Variants in MCC observed in about 807,000 individuals in gnomAD.
MCC encodes the protein colorectal mutant cancer protein.
Under a neutral mutation model 116.2 loss-of-function variants are expected in MCC, and 90 were observed. The ratio of observed to expected loss-of-function variants is 0.77; its 90% CI spans 0.65 to 0.92. The LOEUF is 0.92. Ranked by LOEUF, MCC falls within the 40% of genes least tolerant of loss-of-function variation. The pLI is 0.00. For synonymous variants in MCC, 578 were observed against 510.5 expected (o/e 1.13, Z -1.78); for missense variants, 1,516 against 1,312.2 (o/e 1.16, Z -2.40).
chr5:113,149,658 T>C (rs1759731972), intron 4 of MCC, among the ~76,000 whole-genome samples: 1 of 152,048 alleles, frequency 6.6e-6, no homozygotes. Flanking sequence ...AAGATGGCTA[T>C]AGCAGCCATC....
At chr5:113,321,204 A>T (rs1767415010) in intron 3 of MCC, among the ~76,000 whole-genome samples, 1 of 152,222 alleles carries the variant, frequency 6.6e-6, no homozygotes, top group Admixed American at 6.5e-5. Context: ...TTTTAATTTG[A>T]AGTCTAGAAA....
intron 1 of MCC, among the ~76,000 whole-genome samples, chr5:113,415,458 G>A (rs1356275311): frequency 6.6e-6 from 1 of 152,132 alleles, no homozygotes; most frequent in East Asian, 1.9e-4. Context: ...TGGAGGCTTT[G>A]TTCGTTTCTT....
chr5:113,313,005 A>G (rs1767171756), intron 3 of MCC, among the ~76,000 whole-genome samples: 1 of 152,126 alleles, frequency 6.6e-6, no homozygotes, highest in Non-Finnish European at 1.5e-5. Flanking sequence ...CACACAAAAA[A>G]CAGACTTCCT....
chr5:113,350,025 A>T (rs776691686), intron 2 of MCC, among the ~76,000 whole-genome samples: 1 of 152,056 alleles, frequency 6.6e-6, no homozygotes, highest in Non-Finnish European at 1.5e-5. Flanking sequence ...TAAAACACTG[A>T]TGAAAGAAAT....
intron 3 of MCC, among the ~76,000 whole-genome samples, chr5:113,172,025 G>C (rs538244297): frequency 2.0e-5 from 3 of 152,264 alleles, no homozygotes; most frequent in African/African-American, 7.2e-5. Flanking sequence ...GGAGCACTGA[G>C]GGGGAAAAGA....
chr5:113,462,744 G>T (rs1291178235), intron 1 of MCC, among the ~76,000 whole-genome samples: 1 of 152,190 alleles, frequency 6.6e-6, no homozygotes, highest in Non-Finnish European at 1.5e-5. Flanking sequence ...AACATTTTGG[G>T]TTAATTCTAA....
chr5:113,096,844 TACTG>T (rs998707114), intron 8 of MCC, among the ~76,000 whole-genome samples: 2 of 152,120 alleles, frequency 1.3e-5, no homozygotes, highest in South Asian at 2.1e-4. Context: ...TCTAGCCTCA[TACTG>T]ACTAATATAC....
At chr5:113,454,148 A>G (rs1161839305) in intron 1 of MCC, among the ~76,000 whole-genome samples, 1 of 152,210 alleles carries the variant, frequency 6.6e-6, no homozygotes, top group East Asian at 1.9e-4. Context: ...TACATTTAAA[A>G]ATATTTGAAA....
chr5:113,304,950 A>C (rs1766949720), intron 3 of MCC, among the ~76,000 whole-genome samples: 1 of 152,112 alleles, frequency 6.6e-6, no homozygotes, highest in Non-Finnish European at 1.5e-5. Flanking sequence ...TTGGGCTAAA[A>C]CAGCATCATT....
chr5:113,404,331 T>A (rs1769773152), intron 1 of MCC, among the ~76,000 whole-genome samples: 1 of 152,198 alleles, frequency 6.6e-6, no homozygotes, highest in African/African-American at 2.4e-5. Context: ...AATAAGTCTG[T>A]TTTCTTAAAA....
At chr5:113,485,078 A>G (rs1489077027) in intron 1 of MCC, among the ~76,000 whole-genome samples, 1 of 152,202 alleles carries the variant, frequency 6.6e-6, no homozygotes, top group East Asian at 1.9e-4. Context: ...TGGCAGAAGC[A>G]GCAATTCCAA....
chr5:113,041,739 A>T (rs1751717673), intron 17 of MCC, among the ~76,000 whole-genome samples: 1 of 152,228 alleles, frequency 6.6e-6, no homozygotes, highest in Non-Finnish European at 1.5e-5. Context: ...TCATGCCTGT[A>T]ATCAGAGCAC....
At chr5:113,119,755 G>T (rs1757627086) in intron 6 of MCC, among the ~76,000 whole-genome samples, 1 of 152,152 alleles carries the variant, frequency 6.6e-6, no homozygotes. Flanking sequence ...ACACTGGGCA[G>T]GGAAGGTCAC....
Position 113,340,653 on chromosome 5 carries a change from G to T in MCC, c.493C>A (p.Gln165Lys). 6.2e-7 allele frequency: 1 copy of T among 1,614,148 alleles called. No homozygotes were observed. Among genetic ancestry groups the T allele is most frequent in the Non-Finnish European group, 8.5e-7 (1 of 1,180,024 alleles). Residue 165 changes from glutamine to lysine, a missense_variant, in exon 3 of 19, where the codon CAG (glutamine) becomes AAG (lysine). Physicochemically the swap from Gln to Lys is moderately conservative, Grantham distance 53 (BLOSUM62 1). Coordinates refer to ENST00000408903, the MANE Select transcript of MCC (RefSeq NM_001085377.2). The stretch of plus-strand genomic sequence containing the variant: ...TCGAGCAGCTTCTGGAGGGCTGACT[G>T]GCTCTGCACATCCGGGCTCTGGAGG... The part of the protein sequence containing the change: ...RDLQSPDVQS[Q>K]SALQKLLEYG...
intron 16 of MCC, among the ~76,000 whole-genome samples, chr5:113,045,799 C>CA (rs70973664): frequency 0.3 from 39,919 of 131,080 alleles, 6,524 homozygotes; most frequent in African/African-American, 0.45. Context: ...AACTCCATCT[C>CA]AAAAAAAAAA....
intron 1 of MCC, among the ~76,000 whole-genome samples, chr5:113,482,703 G>T (rs1772410706): frequency 6.6e-6 from 1 of 152,080 alleles, no homozygotes; most frequent in African/African-American, 2.4e-5. Context: ...TCTGCAGGTT[G>T]TCTTTCACTC....
chr5:113,047,746 T>C (rs28642780), intron 16 of MCC, among the ~76,000 whole-genome samples: 1 of 151,574 alleles, frequency 6.6e-6, no homozygotes, highest in East Asian at 1.9e-4. Context: ...ACAAGGGATA[T>C]AATTCTTTAG....
chr5:113,081,117 T>C (rs1754830849), intron 11 of MCC, among the ~76,000 whole-genome samples: 1 of 152,156 alleles, frequency 6.6e-6, no homozygotes. Flanking sequence ...CTAACATACT[T>C]TGAGAGTAAT....
rs1755882310 is a variant in MCC, at chr5:113,094,500, A to T, written c.1398+7239T>A. ...CAGTGGCGCGATCACGGCTTGCTGC[A>T]ACCTCTGCCTCCCGGGTTCAAGCGA... On this transcript the variant is annotated intron_variant, in intron 8 of 18. Transcript: ENST00000408903. Among the ~76,000 whole-genome samples, 3 of 149,768 alleles carry T rather than the reference A, an allele frequency of 2.0e-5. No individual in the cohort carries two copies. In the South Asian group the frequency reaches 6.3e-4, roughly 32 times the overall value.
Sources: allele counts gnomAD v4.1 joint callset (sites outside exome capture counted in the v4.1 genomes callset), GRCh38; gene constraint gnomAD v4.1.1; transcripts MANE v1.5; gene names NCBI Gene and HGNC (gene_info 2026-07-23, HGNC 2026-07-21).